MAP7D2: variants seen among roughly 807,000 people sequenced by gnomAD.
MAP7D2 encodes MAP7 domain-containing protein 2.
A neutral mutation model predicts 63.5 loss-of-function variants in MAP7D2; 33 were observed. That is an observed-to-expected ratio of 0.52 (90% CI 0.39 to 0.70). The LOEUF (loss-of-function observed/expected upper bound fraction) is 0.70, where lower values mean the gene tolerates loss of function less well. Ranked by LOEUF, MAP7D2 falls within the 30% of genes least tolerant of loss-of-function variation. The probability of loss-of-function intolerance (pLI) is 0.00; values close to 1 mark genes in which losing one functional copy is unlikely to be tolerated. For synonymous variants in MAP7D2, 224 were observed against 223.7 expected (o/e 1.00, Z -0.01); for missense variants, 626 against 604.0 (o/e 1.04, Z -0.38).
At chrX:20,079,514 T>C (rs987308863) in intron 1 of MAP7D2, among the ~76,000 whole-genome samples, 3 of 111,693 alleles carry the variant, frequency 2.7e-5, no homozygotes, top group Non-Finnish European at 5.6e-5. Context: ...ACTGCCTCAA[T>C]TGGATTTTCT....
intron 1 of MAP7D2, among the ~76,000 whole-genome samples, chrX:20,076,768 G>T (rs1012919058): frequency 9.9e-5 from 11 of 111,255 alleles, no homozygotes; most frequent in African/African-American, 3.6e-4. Context: ...GAGAAATAGG[G>T]AACTACTTTA....
chrX:20,052,679 C>T (rs1177257071), intron 5 of MAP7D2, among the ~76,000 whole-genome samples, 199 bp downstream of exon 5: 2 of 112,256 alleles, frequency 1.8e-5, no homozygotes, highest in Non-Finnish European at 3.8e-5. Context: ...TATTCAACAA[C>T]GACCTGGCTC....
At chrX:20,036,403 T>C (rs753137484) in intron 8 of MAP7D2, among the ~76,000 whole-genome samples, 51 of 106,371 alleles carry the variant, frequency 4.8e-4, no homozygotes, top group African/African-American at 1.7e-3. Flanking sequence ...CCACCACGCC[T>C]GGCTAATTTT....
intron 1 of MAP7D2, among the ~76,000 whole-genome samples, chrX:20,078,731 T>C (rs2065705761): frequency 8.9e-6 from 1 of 111,900 alleles, no homozygotes; most frequent in Admixed American, 9.5e-5. Flanking sequence ...ATTATCATCA[T>C]TATTACTGGT....
At chrX:20,030,286 GCAAA>G (rs1256458622) in intron 8 of MAP7D2, among the ~76,000 whole-genome samples, 2 of 111,902 alleles carry the variant, frequency 1.8e-5, no homozygotes, top group Non-Finnish European at 3.8e-5. Flanking sequence ...CCAAAGAAAT[GCAAA>G]CAGACAAGAG....
chrX:20,024,541 G>A (rs1175104140), intron 10 of MAP7D2, among the ~76,000 whole-genome samples: 6 of 111,825 alleles, frequency 5.4e-5, no homozygotes, highest in Admixed American at 9.5e-5. Context: ...ATAATTTGAC[G>A]GAGGAAACAA....
intron 6 of MAP7D2, among the ~76,000 whole-genome samples, chrX:20,045,560 A>C (rs2064777981): frequency 9.3e-6 from 1 of 107,266 alleles, no homozygotes; most frequent in South Asian, 4.2e-4. Context: ...AAAGCTAAGA[A>C]AGAAAAAATA....
At chrX:20,014,914 A>G (rs2073332176) in intron 12 of MAP7D2, among the ~76,000 whole-genome samples, 1 of 110,413 alleles carries the variant, frequency 9.1e-6, no homozygotes, top group Non-Finnish European at 1.9e-5. Context: ...ACAGGGTTTC[A>G]CTGTATTACT....
At chrX:20,086,543 G>C (rs2065915047) in intron 1 of MAP7D2, among the ~76,000 whole-genome samples, 1 of 111,690 alleles carries the variant, frequency 9.0e-6, no homozygotes, top group Admixed American at 9.5e-5. Flanking sequence ...GGAGAACAGT[G>C]GTTGGCATCG....
At chrX:20,018,945 C>A (rs909458301) in intron 10 of MAP7D2, among the ~76,000 whole-genome samples, 1 of 111,660 alleles carries the variant, frequency 9.0e-6, no homozygotes, top group Non-Finnish European at 1.9e-5. Flanking sequence ...CCCCACCGCC[C>A]TCTGCCGTGG....
intron 1 of MAP7D2, among the ~76,000 whole-genome samples, chrX:20,079,755 G>A (rs2065731937): frequency 9.0e-6 from 1 of 111,628 alleles, no homozygotes; most frequent in Non-Finnish European, 1.9e-5. Flanking sequence ...ATTCACAGTT[G>A]GCTCCTTTCC....
At position 20,095,614 on chromosome X, in the gene MAP7D2, G is replaced by C. The variant is rs760589749; in HGVS notation, c.130+21136C>G. ...TATGATCCAGTAATTCCACTTTTGG[G>C]TATATATCCAAAAGAATTGAAGCAG... On this transcript the variant is annotated intron_variant, in intron 1 of 16. Transcript: ENST00000379643. Among the ~76,000 whole-genome samples the C allele has an allele frequency of 7.9e-4, 87 of 110,778 alleles. 1 individual carries two copies. Among genetic ancestry groups the C allele is most frequent in the Non-Finnish European group, 9.4e-4 (50 of 52,982 alleles).
At chrX:20,094,532 A>ATGTG (rs2066181829) in intron 1 of MAP7D2, among the ~76,000 whole-genome samples, 1 of 15,969 alleles carries the variant, frequency 6.3e-5, no homozygotes, top group Non-Finnish European at 8.9e-5. Flanking sequence ...ATATATATAT[A>ATGTG]TATATATATG....
intron 3 of MAP7D2, among the ~76,000 whole-genome samples, chrX:20,061,240 A>G (rs1315363500): frequency 9.1e-6 from 1 of 109,677 alleles, no homozygotes; most frequent in Non-Finnish European, 1.9e-5. Context: ...CATAGGGGCC[A>G]GTGCAGAGGG....
chrX:20,024,859 A>C, intron 10 of MAP7D2, 92 bp downstream of exon 10: 1 of 1,025,638 alleles, frequency 9.8e-7, no homozygotes, highest in Middle Eastern at 2.7e-4. Flanking sequence ...TTCAAGTTTT[A>C]TCAATACCAA....
intron 1 of MAP7D2, among the ~76,000 whole-genome samples, chrX:20,090,315 G>A (rs112435350): frequency 8.7e-4 from 81 of 92,984 alleles, no homozygotes; most frequent in Non-Finnish European, 9.8e-4. Flanking sequence ...CCAACATAGC[G>A]AAACCCTGTC....
intron 2 of MAP7D2, among the ~76,000 whole-genome samples, chrX:20,064,225 C>T (rs1335711046): frequency 7.1e-5 from 8 of 112,106 alleles, no homozygotes; most frequent in Non-Finnish European, 1.3e-4. Context: ...AATGGGGAAA[C>T]GCTATCTCCC....
At chrX:20,094,249 T>C (rs911427203) in intron 1 of MAP7D2, among the ~76,000 whole-genome samples, 1 of 106,657 alleles carries the variant, frequency 9.4e-6, no homozygotes, top group Non-Finnish European at 1.9e-5. Flanking sequence ...TTATAGCACA[T>C]GAACACCTGT....
At chrX:20,015,089 A>AT in intron 12 of MAP7D2, 134 bp downstream of exon 12, 3 of 454,776 alleles carry the variant, frequency 6.6e-6, no homozygotes, top group Non-Finnish European at 1.1e-5. Context: ...AAAGACATAA[A>AT]AGATTTGAAC....
Sources: gnomAD v4.1 joint callset for allele counts (sites outside exome capture counted in the v4.1 genomes callset) on GRCh38, gnomAD v4.1.1 for gene constraint, MANE v1.5 for transcripts, NCBI Gene and HGNC (gene_info 2026-07-23, HGNC 2026-07-21) for gene names.